Variants in MIS18A observed in about 807,000 individuals in gnomAD.
MIS18A encodes the protein MIS18 kinetochore protein A, also known as protein Mis18-alpha.
MIS18A carries 14 observed loss-of-function variants against 25.0 expected under a neutral mutation model. That is an observed-to-expected ratio of 0.56 (90% CI 0.37 to 0.88). MIS18A has a LOEUF of 0.88. MIS18A is among the 40% of genes least tolerant of loss of function. MIS18A has a pLI of 0.00. For missense variants in MIS18A, 292 were observed against 290.8 expected (o/e 1.00, Z -0.03); for synonymous variants, 134 against 118.6 (o/e 1.13, Z -0.84).
the MIS18A span, among the ~76,000 whole-genome samples, chr21:32,166,304 A>G: frequency 6.6e-6 from 1 of 152,348 alleles, no homozygotes; most frequent in South Asian, 2.1e-4. Flanking sequence ...GACAGTGATA[A>G]ATTGTATTAC....
chr21:32,180,491 T>C, the MIS18A span, among the ~76,000 whole-genome samples: 1 of 152,230 alleles, frequency 6.6e-6, no homozygotes, highest in Non-Finnish European at 1.5e-5. Flanking sequence ...TTCTCCATGA[T>C]CTTGTGAATG....
the MIS18A span, among the ~76,000 whole-genome samples, chr21:32,163,695 A>G: frequency 6.6e-6 from 1 of 152,108 alleles, no homozygotes; most frequent in East Asian, 1.9e-4. Context: ...AGCTACGTCT[A>G]TTGCTTCCCA....
the MIS18A span, among the ~76,000 whole-genome samples, chr21:32,237,319 G>A: frequency 6.6e-6 from 1 of 152,192 alleles, no homozygotes; most frequent in Admixed American, 6.5e-5. Flanking sequence ...AAGCCCCTGA[G>A]GTTGCCAGGT....
the MIS18A span, among the ~76,000 whole-genome samples, chr21:32,172,351 T>C: frequency 6.6e-6 from 1 of 152,122 alleles, no homozygotes; most frequent in Non-Finnish European, 1.5e-5. Flanking sequence ...CCGTGTTCAT[T>C]GCAGCATTAT....
the MIS18A span, among the ~76,000 whole-genome samples, chr21:32,204,523 G>A: frequency 6.6e-6 from 1 of 151,176 alleles, no homozygotes; most frequent in South Asian, 2.1e-4. Flanking sequence ...AGAAAAAAAG[G>A]AAGCAATTAT....
chr21:32,263,924 A>G (rs2031551752), downstream of MIS18A, among the ~76,000 whole-genome samples: 1 of 151,700 alleles, frequency 6.6e-6, no homozygotes. Context: ...TGAAAATTTC[A>G]TAATTGGCTC....
the MIS18A span, among the ~76,000 whole-genome samples, chr21:32,223,690 T>C: frequency 6.6e-6 from 1 of 152,242 alleles, no homozygotes; most frequent in African/African-American, 2.4e-5. Flanking sequence ...AGCCAAATTC[T>C]ACCTGAGGTA....
the MIS18A span, among the ~76,000 whole-genome samples, chr21:32,218,009 T>C: frequency 6.6e-6 from 1 of 151,052 alleles, no homozygotes; most frequent in African/African-American, 2.4e-5. Flanking sequence ...CTGGCTAACA[T>C]GGTGAAATCC....
chr21:32,195,897 G>A, the MIS18A span, among the ~76,000 whole-genome samples: 2 of 152,080 alleles, frequency 1.3e-5, no homozygotes, highest in Admixed American at 1.3e-4. Context: ...ACACATGCAT[G>A]TAGTCCCAGC....
chr21:32,197,377 CTGCCCATCTATAGTTCT>C, the MIS18A span, among the ~76,000 whole-genome samples: 1 of 152,254 alleles, frequency 6.6e-6, no homozygotes, highest in South Asian at 2.1e-4. Context: ...TAGACATTCA[CTGCCCATCTATAGTTCT>C]TGCATGATAC....
chr21:32,163,455 TAGA>T, the MIS18A span, among the ~76,000 whole-genome samples: 1 of 152,188 alleles, frequency 6.6e-6, no homozygotes, highest in Non-Finnish European at 1.5e-5. Context: ...ACCTGGTTCT[TAGA>T]AGGAGACTGG....
At chr21:32,178,772 C>A in the MIS18A span, among the ~76,000 whole-genome samples, 1 of 152,164 alleles carries the variant, frequency 6.6e-6, no homozygotes. Flanking sequence ...AATCCTAAGC[C>A]ATTATCTCTT....
chr21:32,273,313 A>C (rs1174495265), intron 2 of MIS18A, among the ~76,000 whole-genome samples: 1 of 151,964 alleles, frequency 6.6e-6, no homozygotes. Context: ...ATTGCTGATA[A>C]TCTCTAGCCC....
chr21:32,271,894 T>C (rs1447175239), intron 2 of MIS18A, among the ~76,000 whole-genome samples: 1 of 152,208 alleles, frequency 6.6e-6, no homozygotes, highest in Non-Finnish European at 1.5e-5. Flanking sequence ...TGCAAACTAA[T>C]ATCTAATGTC....
the MIS18A span, among the ~76,000 whole-genome samples, chr21:32,189,559 G>GT: frequency 1.3e-5 from 2 of 152,210 alleles, no homozygotes; most frequent in African/African-American, 4.8e-5. Context: ...GATGACAGGC[G>GT]TGAGCCACCA....
the MIS18A span, among the ~76,000 whole-genome samples, chr21:32,221,723 CAA>C: frequency 2.3e-3 from 246 of 108,642 alleles, no homozygotes; most frequent in African/African-American, 4.4e-3. Flanking sequence ...ACGAATAATA[CAA>C]AAAAAAAAAA....
the MIS18A span, among the ~76,000 whole-genome samples, chr21:32,184,399 C>T: frequency 1.3e-5 from 2 of 152,194 alleles, no homozygotes; most frequent in Non-Finnish European, 2.9e-5. Flanking sequence ...TATAATTCTG[C>T]CACCAAACTG....
At chr21:32,173,510 A>AT in the MIS18A span, among the ~76,000 whole-genome samples, 3 of 152,238 alleles carry the variant, frequency 2.0e-5, no homozygotes, top group African/African-American at 7.2e-5. Context: ...TCCTAGCAAC[A>AT]TTTTTTATAA....
the MIS18A span, among the ~76,000 whole-genome samples, chr21:32,175,078 C>T: frequency 8.5e-5 from 13 of 152,172 alleles, no homozygotes; most frequent in Non-Finnish European, 1.5e-5. Context: ...ACCTACTACA[C>T]ACCTAGGCTA....
Sources: allele counts gnomAD v4.1 joint callset (sites outside exome capture counted in the v4.1 genomes callset), GRCh38; gene constraint gnomAD v4.1.1; transcripts MANE v1.5; gene names NCBI Gene and HGNC (gene_info 2026-07-23, HGNC 2026-07-21).